KCNH1: variants seen among roughly 807,000 people sequenced by gnomAD.
The protein encoded by KCNH1 is potassium voltage-gated channel subfamily H member 1, also known as voltage-gated delayed rectifier potassium channel KCNH1.
Under a neutral mutation model 69.2 loss-of-function variants are expected in KCNH1, and 27 were observed. The observed-to-expected ratio is 0.39, with a 90% confidence interval of 0.29 to 0.54. KCNH1 has a LOEUF of 0.54. KCNH1 is among the 20% of genes least tolerant of loss of function. The pLI, the probability that KCNH1 is intolerant of heterozygous loss-of-function variation, is 0.68. For missense variants in KCNH1, 798 were observed against 1,261.6 expected, an observed-to-expected ratio of 0.63 and a Z score of 5.57; for synonymous variants, 456 against 487.7, an observed-to-expected ratio of 0.93 and a Z score of 0.86.
chr1:210,994,833 G>A, intron 6 of KCNH1, among the ~76,000 whole-genome samples: 1 of 152,112 alleles, frequency 6.6e-6, no homozygotes, highest in East Asian at 1.9e-4. Context: ...CCCACCCCAA[G>A]ATGACTGTTA....
intron 6 of KCNH1, among the ~76,000 whole-genome samples, chr1:210,934,638 CA>C (rs1276655251): frequency 7.6e-4 from 97 of 127,418 alleles, no homozygotes; most frequent in South Asian, 6.6e-3. Flanking sequence ...GACTCCGTCT[CA>C]AAAAAAAAAA....
At chr1:210,718,605 TA>T (rs1246093587) in intron 10 of KCNH1, among the ~76,000 whole-genome samples, 1 of 125,350 alleles carries the variant, frequency 8.0e-6, no homozygotes, top group African/African-American at 3.1e-5. Flanking sequence ...CTTATATAAA[TA>T]AAATTATATG....
chr1:210,983,261 G>A (rs1688752061), intron 6 of KCNH1, among the ~76,000 whole-genome samples: 1 of 152,148 alleles, frequency 6.6e-6, no homozygotes, highest in Non-Finnish European at 1.5e-5. Context: ...CTGTGCAGAA[G>A]CTCTTAAATT....
intron 4 of KCNH1, among the ~76,000 whole-genome samples, chr1:211,090,075 T>C (rs1691025706): frequency 6.6e-6 from 1 of 152,244 alleles, no homozygotes. Flanking sequence ...TCATTAATGT[T>C]ATGTTCCAAA....
At chr1:210,920,136 C>G (rs754326959) in intron 6 of KCNH1, 67 bp from the exon 7 acceptor site, 13 of 1,381,822 alleles carry the variant, frequency 9.4e-6, no homozygotes, top group East Asian at 2.3e-5. Context: ...CCCTCCGCCC[C>G]ACTTGGGCCA....
chr1:210,708,986 G>A (rs1681985234), intron 10 of KCNH1, among the ~76,000 whole-genome samples: 1 of 152,096 alleles, frequency 6.6e-6, no homozygotes, highest in Non-Finnish European at 1.5e-5. Flanking sequence ...TGGGCTGGGT[G>A]TGGTGGCTCA....
intron 5 of KCNH1, among the ~76,000 whole-genome samples, chr1:211,074,089 C>T (rs79598676): frequency 0.01 from 1,332 of 127,760 alleles, 26 homozygotes; most frequent in African/African-American, 0.036. Context: ...TTCATTCATT[C>T]CACCAATTAA....
chr1:210,738,041 G>A (rs116289616), intron 10 of KCNH1, among the ~76,000 whole-genome samples: 572 of 152,202 alleles, frequency 3.8e-3, no homozygotes, highest in African/African-American at 0.013. Context: ...ATCAGTTCTA[G>A]GCCCACAAGA....
chr1:210,760,310 T>C (rs1256359169), intron 10 of KCNH1, among the ~76,000 whole-genome samples: 1 of 152,132 alleles, frequency 6.6e-6, no homozygotes, highest in Non-Finnish European at 1.5e-5. Flanking sequence ...CCTTTCATAG[T>C]ATTAGTGTGA....
intron 5 of KCNH1, among the ~76,000 whole-genome samples, chr1:211,023,268 T>C (rs1372989956): frequency 1.3e-5 from 2 of 151,776 alleles, no homozygotes; most frequent in African/African-American, 4.8e-5. Context: ...TTTCCTTGAA[T>C]AAAAATAGAA....
intron 7 of KCNH1, among the ~76,000 whole-genome samples, chr1:210,845,516 C>A (rs1026759697): frequency 1.3e-5 from 2 of 152,134 alleles, no homozygotes; most frequent in African/African-American, 4.8e-5. Context: ...AGGCCTTTGA[C>A]AAAATTCAAC....
intron 9 of KCNH1, among the ~76,000 whole-genome samples, chr1:210,784,715 T>TC (rs1216188486): frequency 2.6e-5 from 4 of 151,902 alleles, no homozygotes; most frequent in Non-Finnish European, 2.9e-5. Flanking sequence ...CTGTTTTTGT[T>TC]TTTTGATGTT....
intron 6 of KCNH1, among the ~76,000 whole-genome samples, chr1:210,991,870 T>C (rs895262834): frequency 1.8e-4 from 28 of 152,298 alleles, no homozygotes; most frequent in Middle Eastern, 3.4e-3. Flanking sequence ...CTGGCTTTAA[T>C]GTAAAATCTC....
At chr1:210,759,909 C>T (rs540264320) in intron 10 of KCNH1, among the ~76,000 whole-genome samples, 17 of 152,270 alleles carry the variant, frequency 1.1e-4, no homozygotes, top group South Asian at 8.3e-4. Flanking sequence ...CTGTTAAAAA[C>T]GGGTCCATAC....
At chr1:210,688,603 T>A (rs1681457880) in intron 10 of KCNH1, among the ~76,000 whole-genome samples, 1 of 152,232 alleles carries the variant, frequency 6.6e-6, no homozygotes, top group Non-Finnish European at 1.5e-5. Flanking sequence ...CTAAAGGACT[T>A]CCATTTTTCA....
intron 3 of KCNH1, among the ~76,000 whole-genome samples, chr1:211,093,802 A>G (rs191091745): frequency 9.2e-5 from 14 of 152,094 alleles, no homozygotes; most frequent in Admixed American, 3.3e-4. Context: ...CCTTTTTCCT[A>G]GGTTGGTTGG....
chr1:211,062,836 G>C (rs1200325876), intron 5 of KCNH1, among the ~76,000 whole-genome samples: 1 of 152,186 alleles, frequency 6.6e-6, no homozygotes, highest in Non-Finnish European at 1.5e-5. Flanking sequence ...GGAGGAAAGG[G>C]AATCCTCATA....
chr1:210,743,317 T>C (rs1683079424), intron 10 of KCNH1, among the ~76,000 whole-genome samples: 1 of 152,030 alleles, frequency 6.6e-6, no homozygotes, highest in African/African-American at 2.4e-5. Context: ...GGTGGTACAA[T>C]GAAGGGGAGA....
chr1:210,911,221 C>T (rs1687222949), intron 7 of KCNH1, among the ~76,000 whole-genome samples: 1 of 152,016 alleles, frequency 6.6e-6, no homozygotes, highest in Non-Finnish European at 1.5e-5. Context: ...CACGGCTCTT[C>T]CCAAATAAAT....
Sources: allele counts gnomAD v4.1 joint callset (sites outside exome capture counted in the v4.1 genomes callset), GRCh38; gene constraint gnomAD v4.1.1; transcripts MANE v1.5; gene names NCBI Gene and HGNC (gene_info 2026-07-23, HGNC 2026-07-21).